Variants in JPT1 observed in about 807,000 individuals in gnomAD.
JPT1 encodes Jupiter microtubule associated homolog 1, also known as androgen-regulated protein 2.
JPT1 carries 5 observed loss-of-function variants against 17.0 expected under a neutral mutation model. That is an observed-to-expected ratio of 0.29 (90% CI 0.15 to 0.62). The LOEUF (loss-of-function observed/expected upper bound fraction) is 0.62. Among genes scored for constraint, JPT1 ranks in the 20% least tolerant of loss-of-function variants. The pLI is 0.85. For missense variants in JPT1, 158 were observed against 188.1 expected (o/e 0.84, Z 0.94); for synonymous variants, 71 against 73.6 (o/e 0.96, Z 0.18).
chr17:75,142,561 G>C (rs954751526), intron 4 of JPT1, among the ~76,000 whole-genome samples: 1 of 133,440 alleles, frequency 7.5e-6, no homozygotes, highest in Non-Finnish European at 1.6e-5. Flanking sequence ...CTCCGTCAAG[G>C]GGGGAGGGGA....
rs1023405159 is a variant in JPT1 at position 75,146,677 on chromosome 17, C to A, written c.305G>T (p.Gly102Val). The A allele has an allele frequency of 1.9e-6, 3 of 1,541,136 alleles. No individual in the cohort carries two copies. The Admixed American group carries it at 5.9e-5, about 30-fold the overall frequency. ...SGDFLDLKGE[G>V]DIHENVDTDL... is the part of the protein sequence containing the mutation. Reference sequence around the variant, plus strand: ...TCAGAAGTACTTACCATGAATATCACCTTCTCCCTAGAAAAGAAAAAAATT... The same window carrying A: ...TCAGAAGTACTTACCATGAATATCAACTTCTCCCTAGAAAAGAAAAAAATT... Residue 102 changes from glycine to valine, a missense_variant, in exon 4 of 5, where the codon GGT becomes GTT. By Grantham distance (109) the Gly-to-Val change is moderately radical. Transcript: ENST00000409753.
Position 75,135,709 on chromosome 17 carries a change from TG to T in JPT1, c.*392del. On this transcript the variant is annotated 3_prime_UTR_variant, in exon 5 of 5. Transcript: ENST00000409753. ...GAAGGCTCTGCGGAGAGACTCCCTG[TG>T]GGTTGGGGCCTGGCAGGAACGGTGC... 1 of 243,648 alleles carries T rather than the reference TG, an allele frequency of 4.1e-6. No homozygotes were observed. Among genetic ancestry groups the T allele is most frequent in the East Asian group, 8.4e-5 (1 of 11,968 alleles). The allele number at this position is 243,648 out of a possible 1,614,324, so 15.1% of individuals were successfully genotyped here.
intron 4 of JPT1, among the ~76,000 whole-genome samples, chr17:75,138,104 G>C (rs116026516): frequency 4.2e-4 from 64 of 152,026 alleles, no homozygotes; most frequent in African/African-American, 1.4e-3. Flanking sequence ...GGGATTATAG[G>C]TGCCCGCTAC....
chr17:75,142,572 GGGGAGAGGGA>G (rs1297611312), intron 4 of JPT1, among the ~76,000 whole-genome samples: 44 of 118,008 alleles, frequency 3.7e-4, no homozygotes, highest in African/African-American at 8.7e-4. Flanking sequence ...GGGGAGGGGA[GGGGAGAGGGA>G]GGGAGAGGGA....
intron 1 of JPT1, 96 bp from the exon 2 acceptor site, chr17:75,148,767 T>G: frequency 7.2e-7 from 1 of 1,381,458 alleles, no homozygotes; most frequent in Non-Finnish European, 1.0e-6. Flanking sequence ...TCCTCACCCA[T>G]TCATCTCCCT....
chr17:75,154,295 C>CCAG, intron 1 of JPT1, 47 bp downstream of exon 1: 1 of 1,476,298 alleles, frequency 6.8e-7, no homozygotes, highest in Non-Finnish European at 9.0e-7. Flanking sequence ...AGCGGCCCTC[C>CCAG]CAGCCCCTCA....
intron 2 of JPT1, 148 bp from the exon 3 acceptor site, chr17:75,147,801 C>A (rs1423058786): frequency 3.3e-6 from 2 of 602,034 alleles, no homozygotes; most frequent in Non-Finnish European, 5.9e-6. Context: ...GAGTTCAAGA[C>A]CAGCCTGGCC....
At chr17:75,142,879 T>C (rs1021057182) in intron 4 of JPT1, 4 of 389,368 alleles carry the variant, frequency 1.0e-5, no homozygotes, top group African/African-American at 8.9e-5. Context: ...CATACGTATA[T>C]GAAAATACAC....
intron 4 of JPT1, chr17:75,142,607 GGGGGAGAGAGGAGGGGAGGGA>G (rs2074339963): frequency 1.7e-5 from 4 of 230,504 alleles, no homozygotes; most frequent in South Asian, 9.0e-5. Flanking sequence ...GGGAGGGGAA[GGGGGAGAGAGGAGGGGAGGGA>G]GGGGAGGGAG....
intron 4 of JPT1, 179 bp downstream of exon 4, chr17:75,146,487 C>A: frequency 1.9e-6 from 1 of 514,836 alleles, no homozygotes. Flanking sequence ...TCTGTTTTTT[C>A]CCTTCTATTA....
intron 4 of JPT1, chr17:75,145,148 A>G (rs2074399371): frequency 7.1e-6 from 1 of 140,430 alleles, no homozygotes; most frequent in South Asian, 2.3e-4. Flanking sequence ...TGGATGACAG[A>G]GCCAGACTCC....
chr17:75,142,853 G>C, intron 4 of JPT1: 1 of 450,946 alleles, frequency 2.2e-6, no homozygotes, highest in Non-Finnish European at 4.5e-6. Context: ...AACTGGTCCT[G>C]TGATATTATG....
intron 1 of JPT1, 107 bp from the exon 2 acceptor site, chr17:75,148,778 C>T (rs954562254): frequency 7.8e-7 from 1 of 1,286,320 alleles, no homozygotes; most frequent in Non-Finnish European, 1.1e-6. Flanking sequence ...TCATCTCCCT[C>T]ACCCCTACAA....
At chr17:75,138,636 G>A (rs1381125361) in intron 4 of JPT1, 2 of 151,870 alleles carry the variant, frequency 1.3e-5, no homozygotes, top group Non-Finnish European at 2.9e-5. Flanking sequence ...TCAACCTCCT[G>A]ACCGCAAGTG....
At chr17:75,142,659 AGGGGGAGGAAGGGAAC>A in intron 4 of JPT1, 2 of 298,020 alleles carry the variant, frequency 6.7e-6, no homozygotes. Context: ...GATGGAGGGA[AGGGGGAGGAAGGGAAC>A]GGGAAGGGAT....
intron 1 of JPT1, chr17:75,149,108 T>C: frequency 8.5e-7 from 1 of 1,182,366 alleles, no homozygotes; most frequent in Non-Finnish European, 1.1e-6. Flanking sequence ...CCCAGCACCC[T>C]AGGAGGCCAA....
Position 75,154,509 on chromosome 17 carries a change from C to A in JPT1, c.-112G>T, listed in dbSNP as rs567143805. 2.1e-6 allele frequency: 2 copies of A among 965,748 alleles called. No individual in the cohort carries two copies. Among genetic ancestry groups the A allele is most frequent in the Non-Finnish European group, 3.0e-6 (2 of 659,036 alleles). The allele number at this position is 965,748 out of a possible 1,614,324, so 59.8% of individuals were successfully genotyped here. A position where few individuals can be genotyped will look rare whatever the true frequency, so the allele number is the denominator to read the frequency against. On this transcript the variant is annotated 5_prime_UTR_variant, in exon 1 of 5. Coordinates refer to ENST00000409753, the MANE Select transcript of JPT1 (RefSeq NM_016185.4). Reference sequence around the variant, plus strand: ...AGCCGACCACCGCTGCAGGAGCCGCCGCTGCCGCCTGTCCGGCCGATCGAC... The same window carrying A: ...AGCCGACCACCGCTGCAGGAGCCGCAGCTGCCGCCTGTCCGGCCGATCGAC...
intron 1 of JPT1, among the ~76,000 whole-genome samples, chr17:75,149,859 A>G (rs1431059922): frequency 4.1e-5 from 2 of 48,896 alleles, no homozygotes; most frequent in Non-Finnish European, 1.0e-4. Flanking sequence ...TCACTTACAC[A>G]CTTACACACA....
At chr17:75,151,967 C>A (rs1436195122) in intron 1 of JPT1, among the ~76,000 whole-genome samples, 5 of 147,852 alleles carry the variant, frequency 3.4e-5, no homozygotes, top group African/African-American at 1.0e-4. Flanking sequence ...AAAACTGCGT[C>A]TCAAAAAAAA....
Sources: gnomAD v4.1 joint callset for allele counts (sites outside exome capture counted in the v4.1 genomes callset) on GRCh38, gnomAD v4.1.1 for gene constraint, MANE v1.5 for transcripts, NCBI Gene and HGNC (gene_info 2026-07-23, HGNC 2026-07-21) for gene names.